Variants in DIAPH1 observed in about 807,000 individuals in gnomAD.
DIAPH1 encodes diaphanous related formin 1.
Under a neutral mutation model 140.7 loss-of-function variants are expected in DIAPH1, and 46 were observed. That is an observed-to-expected ratio of 0.33 (90% CI 0.26 to 0.42). DIAPH1 has a LOEUF of 0.42. Among genes scored for constraint, DIAPH1 ranks in the 10% least tolerant of loss-of-function variants. The probability of loss-of-function intolerance (pLI) is 1.00; values close to 1 mark genes in which losing one functional copy is unlikely to be tolerated. For missense variants in DIAPH1, 1,310 were observed against 1,558.7 expected (o/e 0.84, Z 2.69); for synonymous variants, 565 against 551.6 (o/e 1.02, Z -0.34).
chr5:141,579,943 G>A (rs1209507120), intron 8 of DIAPH1, among the ~76,000 whole-genome samples: 5 of 144,206 alleles, frequency 3.5e-5, no homozygotes, highest in East Asian at 2.0e-4. Flanking sequence ...GCGAGCCTCC[G>A]TCTCAAAAAA....
intron 14 of DIAPH1, among the ~76,000 whole-genome samples, chr5:141,575,644 G>A (rs1055690624): frequency 5.3e-5 from 8 of 150,454 alleles, no homozygotes; most frequent in South Asian, 2.1e-4. Context: ...GTGAGACTCC[G>A]TCTCAAAAAA....
chr5:141,602,495 G>A (rs778382780), intron 1 of DIAPH1, among the ~76,000 whole-genome samples: 14 of 152,176 alleles, frequency 9.2e-5, no homozygotes, highest in Non-Finnish European at 1.5e-4. Context: ...GATTACAAGC[G>A]TGAGCCACCA....
intron 27 of DIAPH1, among the ~76,000 whole-genome samples, chr5:141,518,161 C>A (rs2099885977): frequency 6.6e-6 from 1 of 152,136 alleles, no homozygotes; most frequent in African/African-American, 2.4e-5. Context: ...GTAGTGACTG[C>A]TAATGGGGAT....
At chr5:141,559,423 T>C (rs935161700) in intron 18 of DIAPH1, among the ~76,000 whole-genome samples, 1 of 152,094 alleles carries the variant, frequency 6.6e-6, no homozygotes, top group African/African-American at 2.4e-5. Context: ...ATTACAGATG[T>C]GCAAGCTGTA....
chr5:141,517,370 A>G (rs2099885848), intron 27 of DIAPH1, among the ~76,000 whole-genome samples: 1 of 152,248 alleles, frequency 6.6e-6, no homozygotes, highest in African/African-American at 2.4e-5. Context: ...TTGGAATTAA[A>G]TAGACTAAAG....
At chr5:141,617,612 G>C (rs780200479) in intron 1 of DIAPH1, among the ~76,000 whole-genome samples, 2 of 152,160 alleles carry the variant, frequency 1.3e-5, no homozygotes, top group Non-Finnish European at 2.9e-5. Context: ...AGATACACTA[G>C]TGTAAGGGCA....
chr5:141,572,139 A>G (rs2099895274), intron 16 of DIAPH1, 99 bp from the exon 17 acceptor site: 5 of 809,878 alleles, frequency 6.2e-6, no homozygotes, highest in Non-Finnish European at 1.1e-5. Context: ...CTGGCTGATT[A>G]TCAGCAATGT....
chr5:141,560,432 C>G (rs2099893338), intron 18 of DIAPH1, among the ~76,000 whole-genome samples: 1 of 152,094 alleles, frequency 6.6e-6, no homozygotes, highest in Non-Finnish European at 1.5e-5. Context: ...TGTTTACTTG[C>G]TATAAAATCT....
chr5:141,523,190 C>T (rs1469880300), intron 27 of DIAPH1, among the ~76,000 whole-genome samples: 1 of 152,202 alleles, frequency 6.6e-6, no homozygotes, highest in Admixed American at 6.5e-5. Context: ...TGGGCCTACA[C>T]AATGCAACAG....
chr5:141,550,323 G>C (rs1046056106), intron 18 of DIAPH1, among the ~76,000 whole-genome samples: 1 of 152,112 alleles, frequency 6.6e-6, no homozygotes, highest in African/African-American at 2.4e-5. Context: ...AAAAACTGAG[G>C]AACTATAACA....
chr5:141,578,475 G>A (rs2154596445), intron 10 of DIAPH1, 40 bp downstream of exon 10: 1 of 1,566,748 alleles, frequency 6.4e-7, no homozygotes, highest in Non-Finnish European at 8.8e-7. Context: ...AGAGCAAGAA[G>A]GAACCAGTCT....
chr5:141,581,654 A>C (rs1249337608), intron 7 of DIAPH1, among the ~76,000 whole-genome samples: 3 of 152,232 alleles, frequency 2.0e-5, no homozygotes, highest in African/African-American at 7.2e-5. Flanking sequence ...AGACAAAAAG[A>C]AGATAAAAAT....
intron 1 of DIAPH1, among the ~76,000 whole-genome samples, chr5:141,603,928 C>T (rs1049987057): frequency 6.6e-6 from 1 of 152,092 alleles, no homozygotes; most frequent in Non-Finnish European, 1.5e-5. Flanking sequence ...AGTTGATAGC[C>T]CAGAGGGAAG....
chr5:141,517,480 A>G (rs926164970), intron 27 of DIAPH1, among the ~76,000 whole-genome samples: 1 of 152,190 alleles, frequency 6.6e-6, no homozygotes, highest in Non-Finnish European at 1.5e-5. Context: ...CCCTAGCAGA[A>G]GGCAACCTTC....
At chr5:141,529,558 G>C in intron 20 of DIAPH1, 45 bp downstream of exon 20, 1 of 1,476,046 alleles carries the variant, frequency 6.8e-7, no homozygotes, top group Non-Finnish European at 9.5e-7. Flanking sequence ...CCAGTGCCCA[G>C]CGACACAGAA....
rs372237240 is a variant in DIAPH1 at position 141,584,014 on chromosome 5, G to T, written c.402+110C>A. On this transcript the variant is annotated intron_variant, in intron 4 of 27. Coordinates refer to ENST00000389054, the MANE Select transcript of DIAPH1 (RefSeq NM_005219.5). ...AGTGAACAGGCTTATATAATGGAAT[G>T]AAACAGAATTGATGCAGACATAAAA... 1.7e-3 allele frequency: 1,205 copies of T among 713,358 alleles called. 18 individuals carry two copies. In the South Asian group the frequency reaches 0.018, roughly 11 times the overall value. The allele number at this position is 713,358 out of a possible 1,614,324, so 44.2% of individuals were successfully genotyped here.
At chr5:141,543,931 C>T (rs1409170159) in intron 18 of DIAPH1, among the ~76,000 whole-genome samples, 4 of 152,134 alleles carry the variant, frequency 2.6e-5, no homozygotes, top group Non-Finnish European at 5.9e-5. Flanking sequence ...AATGGAAAAC[C>T]TAAAACTACC....
At chr5:141,578,417 T>C (rs756865786) in intron 10 of DIAPH1, 74 bp from the exon 11 acceptor site, 1 of 1,541,802 alleles carries the variant, frequency 6.5e-7, no homozygotes, top group Non-Finnish European at 9.0e-7. Flanking sequence ...CTTTTCAACC[T>C]GGTTTTTAAT....
In DIAPH1 at chr5:141,528,711, G is replaced by A. The variant is rs1383474030; in HGVS notation, c.3009C>T (p.Phe1003=). Residue 1003 remains phenylalanine (F), a synonymous_variant, in exon 22 of 28, where the codon TTC becomes TTT. Coordinates refer to ENST00000389054, the MANE Select transcript of DIAPH1 (RefSeq NM_005219.5). ...NAGAFGFNIS[F]LCKLRDTKST... ...TACCTCTTTGGCTCACCTTACAGAG[G>A]AAGCTGATATTGAAGCCAAAAGCAC... 1 of 1,614,096 alleles carries A rather than the reference G, an allele frequency of 6.2e-7. No individual in the cohort carries two copies. The highest frequency in any genetic ancestry group is 8.5e-7 in the Non-Finnish European group (1 of 1,180,046).
Sources: gnomAD v4.1 joint callset for allele counts (sites outside exome capture counted in the v4.1 genomes callset) on GRCh38, gnomAD v4.1.1 for gene constraint, MANE v1.5 for transcripts, NCBI Gene and HGNC (gene_info 2026-07-23, HGNC 2026-07-21) for gene names.